JARID2: variants seen among roughly 807,000 people sequenced by gnomAD.
JARID2 encodes the protein jumonji and AT-rich interaction domain containing 2.
A neutral mutation model predicts 125.6 loss-of-function variants in JARID2; 21 were observed. The observed-to-expected ratio is 0.17, with a 90% CI of 0.12 to 0.24. The LOEUF (loss-of-function observed/expected upper bound fraction) is 0.24, where lower values mean the gene tolerates loss of function less well. Ranked by LOEUF, JARID2 falls within the 10% of genes least tolerant of loss-of-function variation. The pLI is 1.00. For synonymous variants in JARID2, 736 were observed against 661.6 expected (o/e 1.11, Z -1.73); for missense variants, 1,303 against 1,639.6 (o/e 0.79, Z 3.55).
Position 15,299,523 on chromosome 6 carries a change from A to G in JARID2, c.45+52939A>G, listed in dbSNP as rs537961455. ...TCCCTTTTTCTGTAGGAAGGAATTT[A>G]TAGTTTGGAGAAGGTAGAGTTGGAT... On this transcript the variant is annotated intron_variant, in intron 1 of 17. Transcript: ENST00000341776. 3.3e-5 allele frequency among the ~76,000 whole-genome samples: 5 copies of G among 152,296 alleles called. No homozygotes were observed. The South Asian group carries it at 1.0e-3, about 32-fold the overall frequency.
chr6:15,445,719 A>G (rs1269832929), intron 3 of JARID2, among the ~76,000 whole-genome samples: 1 of 150,028 alleles, frequency 6.7e-6, no homozygotes, highest in Admixed American at 6.6e-5. Context: ...ATACAATGAA[A>G]TGCCAAGGGT....
At chr6:15,254,251 C>T (rs1160201168) in intron 1 of JARID2, among the ~76,000 whole-genome samples, 1 of 152,132 alleles carries the variant, frequency 6.6e-6, no homozygotes, top group African/African-American at 2.4e-5. Flanking sequence ...TACAAATGCC[C>T]CCACCACATT....
intron 3 of JARID2, among the ~76,000 whole-genome samples, chr6:15,426,136 G>A (rs1489564426): frequency 2.0e-5 from 3 of 152,110 alleles, no homozygotes. Flanking sequence ...CCTTGGGAGG[G>A]GACAGCAGCT....
At chr6:15,407,858 C>A (rs150166797) in intron 2 of JARID2, among the ~76,000 whole-genome samples, 97 of 152,274 alleles carry the variant, frequency 6.4e-4, no homozygotes, top group Non-Finnish European at 1.0e-3. Flanking sequence ...CCCCAGTGCC[C>A]TGGCATATAG....
At chr6:15,463,652 G>A (rs755136725) in intron 4 of JARID2, among the ~76,000 whole-genome samples, 7 of 151,942 alleles carry the variant, frequency 4.6e-5, no homozygotes, top group African/African-American at 1.7e-4. Flanking sequence ...GGCTAGTCTC[G>A]AACTCCTGAC....
At chr6:15,456,815 C>G (rs894875555) in intron 4 of JARID2, among the ~76,000 whole-genome samples, 1 of 146,946 alleles carries the variant, frequency 6.8e-6, no homozygotes, top group African/African-American at 2.5e-5. Context: ...ATAGTGATCC[C>G]TGTTGTTGTG....
chr6:15,495,830 G>A (rs145156077), intron 6 of JARID2, among the ~76,000 whole-genome samples: 2 of 152,322 alleles, frequency 1.3e-5, no homozygotes, highest in Non-Finnish European at 2.9e-5. Context: ...TCCTGGAAGA[G>A]CAATGGGAAC....
At chr6:15,415,263 C>CT (rs1766092620) in intron 3 of JARID2, among the ~76,000 whole-genome samples, 1 of 152,256 alleles carries the variant, frequency 6.6e-6, no homozygotes, top group East Asian at 1.9e-4. Flanking sequence ...CCTTCCCCAC[C>CT]TTTCCCCCCT....
At chr6:15,346,881 G>A (rs1018177861) in intron 1 of JARID2, among the ~76,000 whole-genome samples, 2 of 151,766 alleles carry the variant, frequency 1.3e-5, no homozygotes, top group African/African-American at 2.4e-5. Context: ...GAATACAGGT[G>A]CTTGCCACCA....
intron 3 of JARID2, among the ~76,000 whole-genome samples, chr6:15,421,411 T>A (rs868083741): frequency 6.0e-4 from 84 of 139,300 alleles, no homozygotes; most frequent in African/African-American, 1.6e-3. Flanking sequence ...TGTTAGTCTT[T>A]AAAAAAAAAA....
In JARID2 at chr6:15,409,497, T is replaced by C. The variant is rs527245407; in HGVS notation, c.182-727T>C. On this transcript the variant is annotated intron_variant, in intron 2 of 17. Transcript: ENST00000341776. ...GCTTTGTTATTCACCCGTTTCCCTA[T>C]AGTGTGACCTTACTGCTGGTTAGAA... Among the ~76,000 whole-genome samples, 7 of 152,328 alleles carry C rather than the reference T, an allele frequency of 4.6e-5. 1 individual carries two copies. The East Asian group carries it at 1.3e-3, about 29-fold the overall frequency.
In JARID2 at chr6:15,424,096, C is replaced by G. The variant is rs535555364; in HGVS notation, c.323+13731C>G. ...AAACTCTTTCTGGGAGGCACACAGA[C>G]GTGGATAGACCTGTATGTATTCATC... On this transcript the variant is annotated intron_variant, in intron 3 of 17. Coordinates refer to ENST00000341776, the MANE Select transcript of JARID2 (RefSeq NM_004973.4). Among the ~76,000 whole-genome samples, 311 of 151,792 alleles carry G rather than the reference C, an allele frequency of 2.0e-3. 1 individual carries two copies. The highest frequency in any genetic ancestry group is 3.2e-3 in the Non-Finnish European group (220 of 67,950).
intron 17 of JARID2, 52 bp downstream of exon 17, chr6:15,517,320 G>C: frequency 7.7e-7 from 1 of 1,299,026 alleles, no homozygotes. Flanking sequence ...CGCCTTCCCT[G>C]CTCCCGGCTG....
chr6:15,257,809 AG>A (rs776246817), intron 1 of JARID2, among the ~76,000 whole-genome samples: 3 of 152,182 alleles, frequency 2.0e-5, no homozygotes, highest in Non-Finnish European at 4.4e-5. Flanking sequence ...TAAAGATGTC[AG>A]TTGAGTTTTA....
intron 12 of JARID2, among the ~76,000 whole-genome samples, chr6:15,510,675 C>A (rs1452004151): frequency 1.3e-5 from 2 of 152,212 alleles, no homozygotes; most frequent in South Asian, 2.1e-4. Context: ...GTAAAACTCT[C>A]CAGTGGGGAG....
chr6:15,295,411 G>A (rs1378600144), intron 1 of JARID2, among the ~76,000 whole-genome samples: 2 of 152,134 alleles, frequency 1.3e-5, no homozygotes, highest in Non-Finnish European at 2.9e-5. Context: ...GTGAGCCACT[G>A]CTCCTGTCAT....
chr6:15,498,616 C>G (rs1770578018), intron 7 of JARID2, among the ~76,000 whole-genome samples: 1 of 152,222 alleles, frequency 6.6e-6, no homozygotes, highest in African/African-American at 2.4e-5. Context: ...GTGTAGCCAT[C>G]ATTTAAGTGT....
chr6:15,377,705 T>G (rs1764410687), intron 2 of JARID2, among the ~76,000 whole-genome samples: 1 of 152,050 alleles, frequency 6.6e-6, no homozygotes, highest in East Asian at 1.9e-4. Context: ...ACTTTTTTTT[T>G]TTATCTTTAG....
chr6:15,275,545 G>A (rs1282225397), intron 1 of JARID2, among the ~76,000 whole-genome samples: 15 of 11,080 alleles, frequency 1.4e-3, no homozygotes, highest in Non-Finnish European at 2.7e-3. Context: ...CCCCCCCCCC[G>A]TCTTTTGCCT....
Sources: allele counts gnomAD v4.1 joint callset (sites outside exome capture counted in the v4.1 genomes callset), GRCh38; gene constraint gnomAD v4.1.1; transcripts MANE v1.5; gene names NCBI Gene and HGNC (gene_info 2026-07-23, HGNC 2026-07-21).